Variants in BPHL observed in about 807,000 individuals in gnomAD.
BPHL encodes the protein serine hydrolase BPHL.
Under a neutral mutation model 31.2 loss-of-function variants are expected in BPHL, and 27 were observed. That is an observed-to-expected ratio of 0.87 (90% CI 0.64 to 1.19). BPHL has a LOEUF of 1.19. BPHL is among the 50% of genes most tolerant of loss of function. The pLI is 0.00. For synonymous variants in BPHL, 150 were observed against 146.8 expected (o/e 1.02, Z -0.16); for missense variants, 356 against 375.7 (o/e 0.95, Z 0.43).
chr6:3,122,210 G>A (rs1045604782), intron 1 of BPHL, among the ~76,000 whole-genome samples: 2 of 152,208 alleles, frequency 1.3e-5, no homozygotes, highest in Non-Finnish European at 2.9e-5. Flanking sequence ...AACCCGGGAG[G>A]TGGAACTTGC....
chr6:3,151,185 C>G (rs1762513561), intron 6 of BPHL, among the ~76,000 whole-genome samples: 1 of 152,130 alleles, frequency 6.6e-6, no homozygotes, highest in African/African-American at 2.4e-5. Flanking sequence ...CTATACGTGA[C>G]CTTCTATGAC....
intron 6 of BPHL, among the ~76,000 whole-genome samples, chr6:3,145,205 G>GGAGTGCTGGTTCGGGTCC (rs1762298979): frequency 1.2e-5 from 1 of 83,072 alleles, no homozygotes; most frequent in Admixed American, 1.0e-4. Flanking sequence ...GGTTCGGGGT[G>GGAGTGCTGGTTCGGGTCC]GAGTGCTGGT....
intron 1 of BPHL, among the ~76,000 whole-genome samples, chr6:3,119,896 A>G (rs1457020116): frequency 3.3e-5 from 5 of 152,230 alleles, no homozygotes; most frequent in African/African-American, 1.2e-4. Context: ...GAATTATTAT[A>G]AGATGGTCAG....
chr6:3,145,668 TCGGAG>T, intron 6 of BPHL, among the ~76,000 whole-genome samples: 1 of 61,234 alleles, frequency 1.6e-5, no homozygotes, highest in African/African-American at 5.9e-5. Context: ...CTGGTTTGGG[TCGGAG>T]TGCTGGTTTG....
intron 6 of BPHL, among the ~76,000 whole-genome samples, chr6:3,141,621 C>CTCCCAAA (rs1561797487): frequency 6.6e-6 from 1 of 152,228 alleles, no homozygotes; most frequent in Non-Finnish European, 1.5e-5. Context: ...CTGCCTTGGC[C>CTCCCAAA]TCCCAAAGTG....
chr6:3,139,146 C>T (rs372205981), intron 5 of BPHL: 7 of 152,108 alleles, frequency 4.6e-5, no homozygotes, highest in African/African-American at 1.7e-4. Context: ...CTATCTGTGA[C>T]CTCGAAAAGC....
Position 3,140,586 on chromosome 6 carries a change from C to G in BPHL, c.788+77C>G. 1 of 1,588,966 alleles carries G rather than the reference C, an allele frequency of 6.3e-7. No individual in the cohort carries two copies. The highest frequency in any genetic ancestry group is 8.6e-7 in the Non-Finnish European group (1 of 1,169,242). On this transcript the variant is annotated intron_variant, in intron 6 of 6. Coordinates refer to ENST00000380379, the MANE Select transcript of BPHL (RefSeq NM_004332.4). The surrounding 1 kb of genome is among the most constrained non-coding windows in gnomAD (Gnocchi z 5.2). Reference sequence around the variant, plus strand: ...GGCAAAGCTACTGGAAGGAAAATAACCAAGAGGAGTTGGAGTTTTAGAGTG... The same window carrying G: ...GGCAAAGCTACTGGAAGGAAAATAAGCAAGAGGAGTTGGAGTTTTAGAGTG...
In BPHL at chr6:3,153,295, T is replaced by A. The variant is rs1338136407; in HGVS notation, c.*720T>A. ...GCTTCACTTGTGTTTTTATTTGTGTTTATCTATCATATTCAAAGAGAAGTA... is the reference window on the plus strand; with the variant it reads ...GCTTCACTTGTGTTTTTATTTGTGTATATCTATCATATTCAAAGAGAAGTA... On this transcript the variant is annotated 3_prime_UTR_variant, in exon 7 of 7. Coordinates refer to ENST00000380379, the MANE Select transcript of BPHL (RefSeq NM_004332.4). The A allele has an allele frequency of 6.2e-6, 1 of 160,044 alleles. No homozygotes were observed. Among genetic ancestry groups the A allele is most frequent in the Non-Finnish European group, 1.4e-5 (1 of 72,246 alleles). The allele number at this position is 160,044 out of a possible 1,614,324, so 9.9% of individuals were successfully genotyped here.
chr6:3,129,811 T>G (rs938599261), intron 4 of BPHL, among the ~76,000 whole-genome samples: 6 of 151,792 alleles, frequency 4.0e-5, no homozygotes, highest in African/African-American at 7.3e-5. Flanking sequence ...TGAGGTTTTT[T>G]TTTTTTTTTT....
chr6:3,119,605 G>A, intron 1 of BPHL: 4 of 1,524,222 alleles, frequency 2.6e-6, no homozygotes, highest in Non-Finnish European at 3.6e-6. Flanking sequence ...CAGAAATGTG[G>A]ATAGAGCGGC....
At chr6:3,141,533 A>G (rs1561797448) in intron 6 of BPHL, among the ~76,000 whole-genome samples, 1 of 152,068 alleles carries the variant, frequency 6.6e-6, no homozygotes, top group Non-Finnish European at 1.5e-5. Context: ...ACGCCCAGCT[A>G]ATTTTTTGTA....
chr6:3,118,617 G>T, upstream of BPHL: 1 of 656,446 alleles, frequency 1.5e-6, no homozygotes, highest in Non-Finnish European at 2.2e-6. Flanking sequence ...GGCGGGCAGA[G>T]GGCGGAGCAG....
intron 3 of BPHL, among the ~76,000 whole-genome samples, chr6:3,128,051 C>G (rs1459963596): frequency 6.6e-6 from 1 of 152,146 alleles, no homozygotes; most frequent in Non-Finnish European, 1.5e-5. Context: ...GATCTCCTGA[C>G]CTCATGATCC....
intron 6 of BPHL, among the ~76,000 whole-genome samples, chr6:3,147,125 G>T: frequency 6.6e-6 from 1 of 152,264 alleles, no homozygotes; most frequent in African/African-American, 2.4e-5. Context: ...GCCAGGTATG[G>T]TGGTATGCAC....
At chr6:3,137,584 A>G in intron 5 of BPHL, 91 bp downstream of exon 5, 1 of 1,541,322 alleles carries the variant, frequency 6.5e-7, no homozygotes, top group South Asian at 1.2e-5. Flanking sequence ...TGATTCATGA[A>G]TCTGCCCATC....
intron 4 of BPHL, among the ~76,000 whole-genome samples, chr6:3,136,390 C>T (rs569506288): frequency 2.6e-5 from 4 of 152,332 alleles, no homozygotes; most frequent in Admixed American, 6.5e-5. Flanking sequence ...CCTTTATCTT[C>T]AGCTCACACG....
chr6:3,119,005 CCTGGGGGCCAGCCGCG>C (rs1214011360), intron 1 of BPHL, among the ~76,000 whole-genome samples, 158 bp downstream of exon 1: 1 of 152,084 alleles, frequency 6.6e-6, no homozygotes, highest in East Asian at 1.9e-4. Context: ...AGACCCCGAT[CCTGGGGGCCAGCCGCG>C]CTTGGTGCTC....
chr6:3,133,690 G>C (rs919463079), intron 4 of BPHL, among the ~76,000 whole-genome samples: 2 of 152,074 alleles, frequency 1.3e-5, no homozygotes, highest in Non-Finnish European at 2.9e-5. Flanking sequence ...TCCCAGAATG[G>C]CCCAAGCATT....
intron 3 of BPHL, 127 bp downstream of exon 3, chr6:3,127,535 G>A (rs563542214): frequency 1.0e-5 from 8 of 768,268 alleles, no homozygotes; most frequent in Non-Finnish European, 1.3e-5. Flanking sequence ...AAAACCCCAA[G>A]AGTTCAAATA....
Sources: gnomAD v4.1 joint callset for allele counts (sites outside exome capture counted in the v4.1 genomes callset) on GRCh38, gnomAD v4.1.1 for gene constraint, Gnocchi (gnomAD v3.1) non-coding constraint, MANE v1.5 for transcripts, NCBI Gene and HGNC (gene_info 2026-07-23, HGNC 2026-07-21) for gene names.